ANKRD17: variants seen among roughly 807,000 people sequenced by gnomAD.
The protein encoded by ANKRD17 is ankyrin repeat domain 17.
ANKRD17 carries 19 observed loss-of-function variants against 229.7 expected under a neutral mutation model. The observed-to-expected ratio is 0.08, with a 90% CI of 0.06 to 0.12. ANKRD17 has a LOEUF of 0.12. Ranked by LOEUF, ANKRD17 falls within the 10% of genes least tolerant of loss-of-function variation. The pLI is 1.00. For synonymous variants in ANKRD17, 1,112 were observed against 1,146.1 expected (o/e 0.97, Z 0.60); for missense variants, 2,176 against 3,176.8 (o/e 0.68, Z 7.57).
Position 73,153,881 on chromosome 4 carries a change from T to G in ANKRD17, c.1233A>C (p.Lys411Asn). Reference protein sequence around the residue: ...KESALTLACYKGHLEMVRFLL... With the variant: ...KESALTLACYNGHLEMVRFLL... ...TTTTAAGAAAGGTTTATACTGTACC[T>G]TTGTAACAAGCTAAGGTAAGGGCAC... Residue 411 changes from lysine (K) to asparagine (N), a missense_variant and splice_region_variant, in exon 6 of 34, where the codon AAA (lysine) becomes AAC (asparagine). Around this residue, in one of 18 missense-constraint regions of ANKRD17, gnomAD observed 184 missense variants for 357.8 expected, o/e 0.51. Transcript: ENST00000358602. 1 of 1,577,210 alleles carries G rather than the reference T, an allele frequency of 6.3e-7. No individual in the cohort carries two copies. Among genetic ancestry groups the G allele is most frequent in the Non-Finnish European group, 8.6e-7 (1 of 1,163,454 alleles).
At chr4:73,199,736 A>C (rs1738393692) in intron 1 of ANKRD17, among the ~76,000 whole-genome samples, 1 of 152,188 alleles carries the variant, frequency 6.6e-6, no homozygotes, top group African/African-American at 2.4e-5. Flanking sequence ...CAGTCTTTCC[A>C]ACGACAACGA....
chr4:73,216,186 A>C (rs1160521668), intron 1 of ANKRD17, among the ~76,000 whole-genome samples: 1 of 152,208 alleles, frequency 6.6e-6, no homozygotes, highest in Non-Finnish European at 1.5e-5. Context: ...CCACTCTCAC[A>C]AATTTTTTCT....
chr4:73,137,596 A>G (rs190809730), intron 15 of ANKRD17, among the ~76,000 whole-genome samples: 1 of 152,312 alleles, frequency 6.6e-6, no homozygotes, highest in African/African-American at 2.4e-5. Flanking sequence ...GTGCATGAGT[A>G]TATGTGCATG....
At chr4:73,086,691 C>A (rs1169621701) in intron 29 of ANKRD17, among the ~76,000 whole-genome samples, 1 of 150,898 alleles carries the variant, frequency 6.6e-6, no homozygotes, top group African/African-American at 2.4e-5. Context: ...TGGGCTCAAG[C>A]AACCCTCTTG....
At chr4:73,131,260 C>T (rs1477783011) in intron 16 of ANKRD17, among the ~76,000 whole-genome samples, 2 of 152,114 alleles carry the variant, frequency 1.3e-5, no homozygotes, top group African/African-American at 4.8e-5. Flanking sequence ...AGAGTTGAAG[C>T]CCCTTATGAA....
chr4:73,219,319 C>T (rs7688302), intron 1 of ANKRD17, among the ~76,000 whole-genome samples: 152,130 of 152,252 alleles, frequency 1, 76,004 homozygotes, highest in Non-Finnish European at 1. Flanking sequence ...TAACAATGTG[C>T]CTTACAGAAT....
intron 1 of ANKRD17, among the ~76,000 whole-genome samples, chr4:73,219,347 G>A (rs1208276527): frequency 4.2e-5 from 6 of 143,906 alleles, no homozygotes; most frequent in African/African-American, 1.5e-4. Flanking sequence ...AATATAACAC[G>A]TATCTGTCAA....
intron 8 of ANKRD17, 133 bp from the exon 9 acceptor site, chr4:73,147,565 T>A: frequency 1.3e-6 from 1 of 742,844 alleles, no homozygotes; most frequent in Non-Finnish European, 1.9e-6. Context: ...AGAAAGTGCC[T>A]CTCTCCTAAC....
At chr4:73,138,012 C>T (rs576490657) in intron 15 of ANKRD17, among the ~76,000 whole-genome samples, 5 of 152,104 alleles carry the variant, frequency 3.3e-5, no homozygotes, top group African/African-American at 1.2e-4. Flanking sequence ...CTGTGTAATA[C>T]CTATTCTTCA....
chr4:73,108,376 TTGGAATCAAC>T (rs1724896945), intron 24 of ANKRD17, among the ~76,000 whole-genome samples: 1 of 152,026 alleles, frequency 6.6e-6, no homozygotes, highest in African/African-American at 2.4e-5. Context: ...AGATACAAAT[TTGGAATCAAC>T]TGGTGTACAT....
chr4:73,141,380 C>T (rs570364267), intron 14 of ANKRD17, among the ~76,000 whole-genome samples: 89 of 152,250 alleles, frequency 5.8e-4, no homozygotes, highest in African/African-American at 2.0e-3. Flanking sequence ...ATATTTGATA[C>T]ATCTTGTTAA....
intron 24 of ANKRD17, among the ~76,000 whole-genome samples, chr4:73,109,748 G>GT (rs955769663): frequency 1.3e-5 from 2 of 152,040 alleles, no homozygotes; most frequent in Non-Finnish European, 2.9e-5. Context: ...CATAAAGATT[G>GT]TTTTTTCTCG....
intron 16 of ANKRD17, among the ~76,000 whole-genome samples, chr4:73,130,050 C>CCTGTAATTAATAGG (rs1343465233): frequency 3.9e-5 from 6 of 152,068 alleles, no homozygotes; most frequent in African/African-American, 7.2e-5. Context: ...CAGGTGTGAG[C>CCTGTAATTAATAGG]CACTGCACTC....
intron 1 of ANKRD17, among the ~76,000 whole-genome samples, chr4:73,197,673 A>AC (rs1738075618): frequency 6.6e-6 from 1 of 152,020 alleles, no homozygotes; most frequent in Non-Finnish European, 1.5e-5. Flanking sequence ...CTATTAAAAA[A>AC]ATTTTTTTTT....
intron 21 of ANKRD17, among the ~76,000 whole-genome samples, chr4:73,119,891 T>G (rs1197139196): frequency 6.6e-6 from 1 of 152,188 alleles, no homozygotes; most frequent in African/African-American, 2.4e-5. Context: ...TGATAACAGA[T>G]GGATGTTCAA....
chr4:73,211,264 T>C (rs1375164218), intron 1 of ANKRD17, among the ~76,000 whole-genome samples: 1 of 151,742 alleles, frequency 6.6e-6, no homozygotes, highest in African/African-American at 2.4e-5. Context: ...TAGGTGGAGC[T>C]CTGAATAATG....
intron 1 of ANKRD17, among the ~76,000 whole-genome samples, chr4:73,237,936 C>T (rs552709657): frequency 5.5e-4 from 83 of 151,996 alleles, no homozygotes; most frequent in Non-Finnish European, 1.1e-3. Flanking sequence ...ATTACAGAAT[C>T]CCAACCCCTT....
chr4:73,148,072 A>G (rs1482776491), intron 8 of ANKRD17, among the ~76,000 whole-genome samples: 2 of 152,214 alleles, frequency 1.3e-5, no homozygotes, highest in East Asian at 1.9e-4. Flanking sequence ...AAACTTGCCT[A>G]AAGTTACAAA....
At chr4:73,150,233 T>C (rs1291047180) in intron 7 of ANKRD17, among the ~76,000 whole-genome samples, 5 of 152,208 alleles carry the variant, frequency 3.3e-5, no homozygotes, top group Non-Finnish European at 7.3e-5. Flanking sequence ...CTCAGTATTA[T>C]AGCAAGTCTT....
Sources: allele counts gnomAD v4.1 joint callset (sites outside exome capture counted in the v4.1 genomes callset), GRCh38; gene constraint gnomAD v4.1.1; regional missense constraint gnomAD v4.1.1; transcripts MANE v1.5; gene names NCBI Gene and HGNC (gene_info 2026-07-23, HGNC 2026-07-21).